Variants in ADAMTSL3 observed in about 807,000 individuals in gnomAD.
The protein encoded by ADAMTSL3 is ADAMTS like 3.
ADAMTSL3 carries 128 observed loss-of-function variants against 201.7 expected under a neutral mutation model. The observed-to-expected ratio is 0.63, with a 90% CI of 0.55 to 0.73. The LOEUF (loss-of-function observed/expected upper bound fraction) is 0.73. ADAMTSL3 is among the 30% of genes least tolerant of loss of function. The probability of loss-of-function intolerance (pLI) is 0.00; values close to 1 mark genes in which losing one functional copy is unlikely to be tolerated. For missense variants in ADAMTSL3, 1,990 were observed against 2,119.6 expected, an observed-to-expected ratio of 0.94 and a Z score of 1.20; for synonymous variants, 738 against 748.4, an observed-to-expected ratio of 0.99 and a Z score of 0.23.
intron 3 of ADAMTSL3, among the ~76,000 whole-genome samples, chr15:83,729,074 A>G (rs980285199): frequency 1.2e-4 from 18 of 151,986 alleles, no homozygotes; most frequent in African/African-American, 4.1e-4. Context: ...TACATATGTG[A>G]TGTTACTCTC....
intron 2 of ADAMTSL3, among the ~76,000 whole-genome samples, chr15:83,686,204 G>A (rs1410784633): frequency 6.6e-6 from 1 of 152,182 alleles, no homozygotes; most frequent in African/African-American, 2.4e-5. Context: ...GGTATAGACC[G>A]GTTTTCTCAC....
intron 17 of ADAMTSL3, among the ~76,000 whole-genome samples, chr15:83,941,401 G>A (rs1337717537): frequency 6.6e-6 from 1 of 151,606 alleles, no homozygotes; most frequent in Non-Finnish European, 1.5e-5. Flanking sequence ...AAAAATCAGA[G>A]AAAAAATCAG....
At chr15:83,682,023 A>G (rs1448128475) in intron 2 of ADAMTSL3, among the ~76,000 whole-genome samples, 3 of 152,136 alleles carry the variant, frequency 2.0e-5, no homozygotes, top group African/African-American at 7.2e-5. Context: ...TTTCAGAACT[A>G]TTTTTGATAT....
intron 2 of ADAMTSL3, among the ~76,000 whole-genome samples, chr15:83,698,969 A>G (rs2141484062): frequency 6.6e-6 from 1 of 152,008 alleles, no homozygotes; most frequent in East Asian, 1.9e-4. Flanking sequence ...GTTCATTTTT[A>G]GTCTCTTCTG....
At chr15:83,951,801 A>G (rs1288930020) in intron 19 of ADAMTSL3, among the ~76,000 whole-genome samples, 1 of 152,162 alleles carries the variant, frequency 6.6e-6, no homozygotes, top group Non-Finnish European at 1.5e-5. Context: ...ATTGATATGT[A>G]ATTGCCATAG....
intron 2 of ADAMTSL3, among the ~76,000 whole-genome samples, chr15:83,690,747 C>T (rs1347480456): frequency 6.6e-6 from 1 of 152,132 alleles, no homozygotes; most frequent in African/African-American, 2.4e-5. Context: ...ATGGCTAGCA[C>T]CAGACAAGAC....
At chr15:83,824,460 C>T (rs182816494) in intron 6 of ADAMTSL3, among the ~76,000 whole-genome samples, 60 of 152,220 alleles carry the variant, frequency 3.9e-4, no homozygotes, top group East Asian at 3.5e-3. Flanking sequence ...TTATTACAGT[C>T]GATGAACCTA....
intron 2 of ADAMTSL3, among the ~76,000 whole-genome samples, chr15:83,701,592 C>T (rs1041493682): frequency 2.6e-5 from 4 of 152,174 alleles, no homozygotes; most frequent in Non-Finnish European, 4.4e-5. Context: ...AGGTATCCCC[C>T]ATACTGTTCT....
intron 4 of ADAMTSL3, among the ~76,000 whole-genome samples, chr15:83,779,403 T>C (rs962756810): frequency 2.6e-5 from 4 of 151,938 alleles, no homozygotes; most frequent in Admixed American, 2.6e-4. Flanking sequence ...ACTGAAATCA[T>C]AAAAAACAAT....
chr15:83,763,368 G>T (rs2062839056), intron 3 of ADAMTSL3, among the ~76,000 whole-genome samples: 1 of 151,712 alleles, frequency 6.6e-6, no homozygotes, highest in Admixed American at 6.6e-5. Context: ...GCCATGCTGT[G>T]ATGTGAATTT....
At chr15:83,997,591 AAAAAC>A (rs565600124) in intron 23 of ADAMTSL3, among the ~76,000 whole-genome samples, 8 of 152,236 alleles carry the variant, frequency 5.3e-5, no homozygotes, top group African/African-American at 1.2e-4. Flanking sequence ...CTCCGTCTCA[AAAAAC>A]AAAACAAAAC....
chr15:83,824,253 A>G (rs7164141), intron 6 of ADAMTSL3, among the ~76,000 whole-genome samples: 120,934 of 151,684 alleles, frequency 0.8, 48,909 homozygotes, highest in East Asian at 1. Flanking sequence ...TCGCTATGTT[A>G]CTCAGCTGGC....
intron 3 of ADAMTSL3, among the ~76,000 whole-genome samples, chr15:83,705,551 G>A (rs1020819542): frequency 6.6e-6 from 1 of 152,198 alleles, no homozygotes; most frequent in African/African-American, 2.4e-5. Context: ...CTGTTCTGAG[G>A]GCTGGCTGGA....
At chr15:83,872,627 C>CACACAGAG (rs6145659) in intron 9 of ADAMTSL3, among the ~76,000 whole-genome samples, 8,739 of 139,956 alleles carry the variant, frequency 0.062, 401 homozygotes, top group Non-Finnish European at 0.092. Context: ...CACACACACA[C>CACACAGAG]AGAGTTTTTG....
intron 9 of ADAMTSL3, among the ~76,000 whole-genome samples, chr15:83,883,895 T>C (rs1220340157): frequency 3.4e-5 from 5 of 148,170 alleles, no homozygotes; most frequent in African/African-American, 5.0e-5. Context: ...ATTTTTTCTT[T>C]TACTTTTTTT....
chr15:83,911,612 A>C (rs1046161189), intron 15 of ADAMTSL3, among the ~76,000 whole-genome samples: 3 of 152,214 alleles, frequency 2.0e-5, no homozygotes, highest in African/African-American at 7.2e-5. Flanking sequence ...AGGGTTCCCC[A>C]CTAACAATTT....
At chr15:83,939,275 G>A (rs970169582) in intron 17 of ADAMTSL3, among the ~76,000 whole-genome samples, 3 of 151,696 alleles carry the variant, frequency 2.0e-5, no homozygotes, top group Admixed American at 2.0e-4. Context: ...GTTTATATAA[G>A]GTTGGAATTG....
At chr15:83,736,705 T>C (rs1342071358) in intron 3 of ADAMTSL3, among the ~76,000 whole-genome samples, 1 of 152,106 alleles carries the variant, frequency 6.6e-6, no homozygotes, top group East Asian at 1.9e-4. Flanking sequence ...CTTTCCTAGG[T>C]AGGTAGCGGG....
chr15:83,704,494 C>T lies in ADAMTSL3; in HGVS notation c.175C>T (p.Arg59Cys), dbSNP rs774715008. Residue 59 changes from arginine (R) to cysteine (C), a missense_variant, in exon 3 of 30, where the codon CGC (arginine) becomes TGC (cysteine). Arg to Cys is a radical substitution (Grantham distance 180). Coordinates refer to ENST00000286744, the MANE Select transcript of ADAMTSL3 (RefSeq NM_207517.3). ...DTTGEQFLTYRYDDQTSRNTR... is the reference protein window; with the variant it reads ...DTTGEQFLTYCYDDQTSRNTR... Reference sequence around the variant, plus strand: ...AACAGGGGAGCAGTTCCTCACTTATCGCTATGATGACCAGGTAAGAACATT... The same window carrying T: ...AACAGGGGAGCAGTTCCTCACTTATTGCTATGATGACCAGGTAAGAACATT... 51 of 1,614,166 alleles carry T rather than the reference C, an allele frequency of 3.2e-5. No homozygotes were observed. The highest frequency in any genetic ancestry group is 3.7e-5 in the Non-Finnish European group (44 of 1,180,018).
Sources: gnomAD v4.1 joint callset for allele counts (sites outside exome capture counted in the v4.1 genomes callset) on GRCh38, gnomAD v4.1.1 for gene constraint, MANE v1.5 for transcripts, NCBI Gene and HGNC (gene_info 2026-07-23, HGNC 2026-07-21) for gene names.